ZNF573: variants seen among roughly 807,000 people sequenced by gnomAD.
ZNF573 encodes zinc finger protein 573.
Under a neutral mutation model 57.4 loss-of-function variants are expected in ZNF573, and 41 were observed. The ratio of observed to expected loss-of-function variants is 0.71; its 90% confidence interval spans 0.56 to 0.93. The LOEUF is 0.93. Among genes scored for constraint, ZNF573 ranks in the 40% least tolerant of loss-of-function variants. ZNF573 has a pLI of 0.00. For synonymous variants in ZNF573, 249 were observed against 261.0 expected, an observed-to-expected ratio of 0.95 and a Z score of 0.44; for missense variants, 730 against 794.8, an observed-to-expected ratio of 0.92 and a Z score of 0.98.
In ZNF573 at chr19:37,771,517, A is replaced by T. The variant is rs553850974; in HGVS notation, c.202+47T>A. 6 of 1,585,832 alleles carry T rather than the reference A, an allele frequency of 3.8e-6. No homozygotes were observed. In the East Asian group the frequency reaches 1.4e-4, roughly 36 times the overall value. On this transcript the variant is annotated intron_variant, in intron 3 of 4. Transcript: ENST00000536220. The stretch of plus-strand genomic sequence containing the variant: ...TTGAAATTCATTGTGTTGAAAGGTA[A>T]CATATCACAGATCACATTTTAAATT...
intron 4 of ZNF573, among the ~76,000 whole-genome samples, chr19:37,755,975 T>C (rs904047602): frequency 1.3e-5 from 2 of 152,222 alleles, no homozygotes; most frequent in Non-Finnish European, 2.9e-5. Context: ...GGCTCAACCC[T>C]GTGCTCTTTC....
intron 3 of ZNF573, 91 bp from the exon 4 acceptor site, chr19:37,770,188 GA>G: frequency 1.0e-6 from 1 of 991,722 alleles, no homozygotes; most frequent in South Asian, 1.7e-5. Context: ...ATGAACTAAG[GA>G]CTTCAAATAA....
At chr19:37,754,511 C>A in intron 4 of ZNF573, among the ~76,000 whole-genome samples, 1 of 129,862 alleles carries the variant, frequency 7.7e-6, no homozygotes, top group South Asian at 2.3e-4. Flanking sequence ...TAAAGTGAGA[C>A]TCCACCTCAA....
chr19:37,771,485 T>A (rs2045658132), intron 3 of ZNF573, 79 bp downstream of exon 3: 2 of 1,493,520 alleles, frequency 1.3e-6, no homozygotes, highest in East Asian at 4.9e-5. Context: ...TGTCTTGAAA[T>A]ATGGCCTTGA....
intron 4 of ZNF573, among the ~76,000 whole-genome samples, chr19:37,763,312 G>A (rs576503849): frequency 2.6e-5 from 4 of 151,882 alleles, no homozygotes; most frequent in South Asian, 2.1e-4. Flanking sequence ...GCCAGTTACC[G>A]GGGCTCAAGA....
At chr19:37,777,264 T>A (rs893147314) in intron 1 of ZNF573, among the ~76,000 whole-genome samples, 3 of 152,162 alleles carry the variant, frequency 2.0e-5, no homozygotes, top group African/African-American at 7.2e-5. Context: ...TCTGCTGGCC[T>A]CAGCCTCCCA....
chr19:37,764,779 ATT>A (rs2045586360), intron 4 of ZNF573, among the ~76,000 whole-genome samples: 1 of 146,920 alleles, frequency 6.8e-6, no homozygotes, highest in Non-Finnish European at 1.5e-5. Context: ...AACTTTTTGT[ATT>A]TTTTGTAGAG....
intron 4 of ZNF573, among the ~76,000 whole-genome samples, chr19:37,743,633 A>T (rs2145279575): frequency 6.6e-6 from 1 of 152,320 alleles, no homozygotes; most frequent in Admixed American, 6.5e-5. Flanking sequence ...CAATCCCACT[A>T]CTGGGTATAT....
chr19:37,769,443 C>T (rs886141277), intron 4 of ZNF573, among the ~76,000 whole-genome samples: 6 of 150,380 alleles, frequency 4.0e-5, no homozygotes, highest in Admixed American at 2.7e-4. Context: ...TAAAGAAAAA[C>T]GAGGCTGGGT....
intron 4 of ZNF573, among the ~76,000 whole-genome samples, chr19:37,755,561 C>A (rs856297): frequency 0.027 from 4,070 of 151,826 alleles, 185 homozygotes; most frequent in African/African-American, 0.092. Context: ...TTTTAATTGA[C>A]CTGAAGCAAG....
chr19:37,766,103 G>A lies in ZNF573; in HGVS notation c.295+3902C>T, dbSNP rs1244037072. On this transcript the variant is annotated intron_variant, in intron 4 of 4. Transcript: ENST00000536220. ...AGCCTTTATTTTCCAAATGGTATCAGTAGTTACCAAATAGTAGGTGATGTA... is the reference window on the plus strand; with the variant it reads ...AGCCTTTATTTTCCAAATGGTATCAATAGTTACCAAATAGTAGGTGATGTA... 2.6e-5 allele frequency among the ~76,000 whole-genome samples: 4 copies of A among 152,070 alleles called. No homozygotes were observed. The East Asian group carries it at 5.8e-4, about 22-fold the overall frequency.
chr19:37,767,201 C>T (rs1007543055), intron 4 of ZNF573, among the ~76,000 whole-genome samples: 1 of 152,044 alleles, frequency 6.6e-6, no homozygotes, highest in African/African-American at 2.4e-5. Context: ...GTTCCCCCTT[C>T]GCCAACATAA....
intron 1 of ZNF573, among the ~76,000 whole-genome samples, 191 bp from the exon 2 acceptor site, chr19:37,773,942 G>A (rs140235999): frequency 7.0e-4 from 107 of 152,156 alleles, no homozygotes; most frequent in Non-Finnish European, 1.4e-3. Flanking sequence ...TTTAGAGTAA[G>A]TCAATGGCTC....
At chr19:37,741,737 C>A (rs776341760) in intron 4 of ZNF573, among the ~76,000 whole-genome samples, 3 of 152,102 alleles carry the variant, frequency 2.0e-5, no homozygotes, top group Non-Finnish European at 4.4e-5. Flanking sequence ...TGGGCAAAAG[C>A]TGGAAGCATT....
intron 1 of ZNF573, chr19:37,778,544 C>T (rs2045733627): frequency 6.6e-6 from 1 of 151,742 alleles, no homozygotes; most frequent in Non-Finnish European, 1.5e-5. Context: ...TGGCTCCCAA[C>T]ATCTACTGGA....
intron 4 of ZNF573, among the ~76,000 whole-genome samples, chr19:37,741,681 C>G (rs1352623647): frequency 6.6e-6 from 1 of 151,926 alleles, no homozygotes; most frequent in African/African-American, 2.4e-5. Flanking sequence ...GAACATATCT[C>G]AATAATAGCT....
intron 4 of ZNF573, among the ~76,000 whole-genome samples, chr19:37,768,332 C>T (rs1001944548): frequency 4.6e-5 from 7 of 152,132 alleles, no homozygotes; most frequent in African/African-American, 1.2e-4. Flanking sequence ...CCTCATTTCT[C>T]GTCACTCTCC....
intron 4 of ZNF573, among the ~76,000 whole-genome samples, chr19:37,766,347 C>T (rs921955219): frequency 2.0e-5 from 3 of 152,190 alleles, no homozygotes; most frequent in Non-Finnish European, 4.4e-5. Flanking sequence ...AATCCCCCTA[C>T]AGGTAGCTTA....
At chr19:37,775,853 A>C (rs1223068729) in intron 1 of ZNF573, among the ~76,000 whole-genome samples, 3 of 150,002 alleles carry the variant, frequency 2.0e-5, no homozygotes, top group Admixed American at 6.7e-5. Flanking sequence ...AAAAAAAAAA[A>C]AAAAACCACA....
Sources: gnomAD v4.1 joint callset for allele counts (sites outside exome capture counted in the v4.1 genomes callset) on GRCh38, gnomAD v4.1.1 for gene constraint, MANE v1.5 for transcripts, NCBI Gene and HGNC (gene_info 2026-07-23, HGNC 2026-07-21) for gene names.